The following TPO variants were observed in gnomAD, a reference collection of about 807,000 sequenced individuals.
TPO encodes thyroid peroxidase.
Under a neutral mutation model 96.9 loss-of-function variants are expected in TPO, and 78 were observed. The ratio of observed to expected loss-of-function variants is 0.81; its 90% CI spans 0.67 to 0.97. The LOEUF is 0.97. Ranked by LOEUF, TPO falls within the 50% of genes least tolerant of loss-of-function variation. TPO has a pLI of 0.00. For synonymous variants in TPO, 547 were observed against 538.0 expected (o/e 1.02, Z -0.23); for missense variants, 1,252 against 1,274.8 (o/e 0.98, Z 0.27).
At chr2:1,506,749 A>G (rs1382524275) in intron 14 of TPO, among the ~76,000 whole-genome samples, 1 of 151,902 alleles carries the variant, frequency 6.6e-6, no homozygotes, top group Non-Finnish European at 1.5e-5. Flanking sequence ...TTTTCTTGTA[A>G]ATTTGTTTGA....
chr2:1,420,389 T>G (rs1663387168), intron 2 of TPO, among the ~76,000 whole-genome samples: 1 of 152,180 alleles, frequency 6.6e-6, no homozygotes, highest in Admixed American at 6.5e-5. Context: ...CGCAGAACTT[T>G]GCAGAGCCCT....
Position 1,414,461 on chromosome 2 carries a change from C to A in TPO, c.53C>A (p.Ala18Asp), listed in dbSNP as rs778171761. The change falls in exon 2 of 17, where the codon GCC becomes GAC. Residue 18 changes from alanine to aspartate, a missense_variant. Physicochemically the swap from Ala to Asp is moderately radical, Grantham distance 126. Transcript: ENST00000329066. ...SVTLVMACTE[A>D]FFPFISRGKE... ...ACGCTGGTTATGGCCTGCACAGAAG[C>A]CTTCTTCCCCTTCATCTCGAGAGGG... 2 of 1,613,940 alleles carry A rather than the reference C, an allele frequency of 1.2e-6. No homozygotes were observed. The highest frequency in any genetic ancestry group is 1.1e-5 in the South Asian group (1 of 91,042).
At position 1,493,567 on chromosome 2, in the gene TPO, G is replaced by A. The variant is rs1214951419; in HGVS notation, c.1769-235G>A. Among the ~76,000 whole-genome samples the A allele has an allele frequency of 1.7e-3, 243 of 141,726 alleles. 5 individuals are homozygous for A. The highest frequency in any genetic ancestry group is 6.5e-3 in the African/African-American group (231 of 35,718). 93.0% of individuals were successfully genotyped at this position (141,726 alleles called of 152,430 possible). ...TGGGACAGGACTCTGCCCGGCATCCGAGCTGGAATATCCTAGCCTGGCAAA... is the reference window on the plus strand; with the variant it reads ...TGGGACAGGACTCTGCCCGGCATCCAAGCTGGAATATCCTAGCCTGGCAAA... On this transcript the variant is annotated intron_variant, in intron 10 of 16. Coordinates refer to ENST00000329066, the MANE Select transcript of TPO (RefSeq NM_001206744.2).
At chr2:1,519,309 C>T (rs1675013785) in intron 15 of TPO, among the ~76,000 whole-genome samples, 1 of 152,210 alleles carries the variant, frequency 6.6e-6, no homozygotes, top group Admixed American at 6.5e-5. Flanking sequence ...TTGCTCAAAG[C>T]TGGTAGGCCC....
intron 5 of TPO, among the ~76,000 whole-genome samples, chr2:1,438,260 G>T (rs565893074): frequency 1.3e-5 from 2 of 152,208 alleles, no homozygotes; most frequent in African/African-American, 2.4e-5. Context: ...TTTTATTAAA[G>T]AAATATAAGA....
At chr2:1,524,100 C>T (rs1056029022) in intron 15 of TPO, among the ~76,000 whole-genome samples, 5 of 142,608 alleles carry the variant, frequency 3.5e-5, no homozygotes, top group Non-Finnish European at 7.6e-5. Flanking sequence ...CACCAAATTC[C>T]CCCCACTCCG....
chr2:1,462,588 A>G (rs1001074338), intron 7 of TPO, among the ~76,000 whole-genome samples: 4 of 151,804 alleles, frequency 2.6e-5, no homozygotes, highest in African/African-American at 9.7e-5. Flanking sequence ...GTTTTTAAAC[A>G]TACAGACTGG....
rs34242408 is a variant in TPO at position 1,400,568 on chromosome 2, C to CAAAAAAAAAAAAAAAAA, written n.180+26170_180+26186dup. ...TGGATAAAGAAGTGAGACTCTGTCT[C>CAAAAAAAAAAAAAAAAA]AAAAAAAAAAAAAAAAAAAAGAAAT... On this transcript the variant is annotated intron_variant and non_coding_transcript_variant, in intron 1 of 5. Coordinates refer to the TPO transcript ENST00000497517. Among the ~76,000 whole-genome samples the CAAAAAAAAAAAAAAAAA allele has an allele frequency of 1.5e-4, 11 of 71,608 alleles. 1 individual carries two copies. Among genetic ancestry groups the CAAAAAAAAAAAAAAAAA allele is most frequent in the African/African-American group, 6.0e-4 (11 of 18,198 alleles). 47.0% of individuals were successfully genotyped at this position (71,608 alleles called of 152,430 possible). A position where few individuals can be genotyped will look rare whatever the true frequency, so the allele number is the denominator to read the frequency against.
chr2:1,383,606 T>C (rs1412837842), intron 1 of TPO, among the ~76,000 whole-genome samples: 1 of 152,242 alleles, frequency 6.6e-6, no homozygotes. Flanking sequence ...GAGTTCTTTG[T>C]AGATTCTGGG....
chr2:1,475,525 G>A (rs1268220254), intron 7 of TPO, among the ~76,000 whole-genome samples: 3 of 151,874 alleles, frequency 2.0e-5, no homozygotes, highest in Non-Finnish European at 4.4e-5. Flanking sequence ...CCAGGTTCAC[G>A]CCATTCTCCT....
chr2:1,435,331 G>A (rs991650490), intron 4 of TPO, among the ~76,000 whole-genome samples: 40 of 152,204 alleles, frequency 2.6e-4, no homozygotes, highest in Admixed American at 2.0e-3. Flanking sequence ...TGAAGAATGC[G>A]TAATCCTCCA....
At chr2:1,467,586 A>G (rs1371916772) in intron 7 of TPO, among the ~76,000 whole-genome samples, 1 of 152,140 alleles carries the variant, frequency 6.6e-6, no homozygotes, top group Non-Finnish European at 1.5e-5. Flanking sequence ...AAATTTATTG[A>G]GGCTTATTTT....
chr2:1,468,525 A>G (rs1669107002), intron 7 of TPO, among the ~76,000 whole-genome samples: 1 of 152,232 alleles, frequency 6.6e-6, no homozygotes, highest in Non-Finnish European at 1.5e-5. Flanking sequence ...AGGAGGCTGA[A>G]GATGGGTCCC....
intron 15 of TPO, among the ~76,000 whole-genome samples, chr2:1,537,449 T>TCCCCACTGTGTGCCACCTCAACATATCC (rs1680026897): frequency 1.6e-4 from 5 of 31,286 alleles, no homozygotes; most frequent in East Asian, 8.6e-4. Context: ...CTCCCAAATC[T>TCCCCACTGTGTGCCACCTCAACATATCC]CCCCACTGTG....
intron 1 of TPO, among the ~76,000 whole-genome samples, chr2:1,377,544 C>T (rs893883935): frequency 3.9e-5 from 6 of 152,284 alleles, no homozygotes; most frequent in African/African-American, 7.2e-5. Flanking sequence ...AAAATGAACC[C>T]AGACAGAGTC....
chr2:1,460,325 G>T (rs748678462), intron 7 of TPO, among the ~76,000 whole-genome samples: 2 of 152,098 alleles, frequency 1.3e-5, no homozygotes, highest in African/African-American at 2.4e-5. Context: ...TGTATCTTCA[G>T]CAATGAACAG....
chr2:1,542,133 T>G (rs973341586), intron 16 of TPO: 3 of 547,226 alleles, frequency 5.5e-6, no homozygotes, highest in African/African-American at 1.9e-5. Flanking sequence ...GGGACCTGTG[T>G]GCTCAGCACG....
intron 2 of TPO, among the ~76,000 whole-genome samples, chr2:1,422,304 C>A (rs1232139891): frequency 1.6e-5 from 1 of 60,618 alleles, no homozygotes; most frequent in African/African-American, 7.2e-5. Context: ...CCCGCAGGCG[C>A]CTCTCCTGGA....
rs1222976568 is a variant in TPO, at chr2:1,487,890, T to G, written c.1667T>G (p.Met556Arg). 1.2e-6 allele frequency: 2 copies of G among 1,614,242 alleles called. No homozygotes were observed. The highest frequency in any genetic ancestry group is 2.2e-5 in the South Asian group (2 of 91,092). Residue 556 changes from methionine to arginine, a missense_variant, in exon 10 of 17, where the codon ATG becomes AGG. Coordinates refer to ENST00000329066, the MANE Select transcript of TPO (RefSeq NM_001206744.2). ...AAACTGCAGGTGCAGGATCAGCTGA[T>G]GAACGAGGAGCTGACGGAAAGGCTC... Reference protein sequence around the residue: ...PAKLQVQDQLMNEELTERLFV... With the variant: ...PAKLQVQDQLRNEELTERLFV...
Sources: gnomAD v4.1 joint callset for allele counts (sites outside exome capture counted in the v4.1 genomes callset) on GRCh38, gnomAD v4.1.1 for gene constraint, MANE v1.5 for transcripts, NCBI Gene and HGNC (gene_info 2026-07-23, HGNC 2026-07-21) for gene names.